The following DLG2 variants were observed in gnomAD, a reference collection of about 807,000 sequenced individuals.
DLG2 encodes disks large homolog 2.
Under a neutral mutation model 132.5 loss-of-function variants are expected in DLG2, and 45 were observed. The observed-to-expected ratio is 0.34, with a 90% CI of 0.27 to 0.44. The LOEUF is 0.44. DLG2 is among the 20% of genes least tolerant of loss of function. DLG2 has a pLI of 1.00. For missense variants in DLG2, 1,045 were observed against 1,196.9 expected (o/e 0.87, Z 1.87); for synonymous variants, 424 against 419.6 (o/e 1.01, Z -0.13).
intron 11 of DLG2, among the ~76,000 whole-genome samples, chr11:83,989,932 G>A (rs574437854): frequency 2.6e-5 from 4 of 152,098 alleles, no homozygotes; most frequent in African/African-American, 9.7e-5. Flanking sequence ...TTGAAAAGAA[G>A]TGTCCATGAA....
In DLG2 at chr11:83,891,784, G is replaced by T. The variant is rs567916434; in HGVS notation, c.1497-17296C>A. 2.6e-5 allele frequency among the ~76,000 whole-genome samples: 4 copies of T among 152,258 alleles called. No homozygotes were observed. The East Asian group carries it at 7.7e-4, about 29-fold the overall frequency. ...AGAACACCTCCTATTATTTTGCTGG[G>T]TTCTAATTCTACAATCTACTTTCCT... On this transcript the variant is annotated intron_variant, in intron 15 of 27. Transcript: ENST00000376104.
At chr11:84,787,177 G>T (rs779659994) in intron 6 of DLG2, among the ~76,000 whole-genome samples, 1 of 152,130 alleles carries the variant, frequency 6.6e-6, no homozygotes, top group South Asian at 2.1e-4. Context: ...CCTTTTTCTA[G>T]ATTGACTCTT....
chr11:83,734,666 A>G (rs1040520332), intron 18 of DLG2, among the ~76,000 whole-genome samples: 6 of 152,002 alleles, frequency 3.9e-5, no homozygotes, highest in Non-Finnish European at 8.8e-5. Context: ...GGCTAGGCTC[A>G]TCTTGAACTC....
intron 4 of DLG2, among the ~76,000 whole-genome samples, chr11:85,165,867 C>T (rs916503970): frequency 1.3e-5 from 2 of 152,118 alleles, no homozygotes; most frequent in African/African-American, 4.8e-5. Flanking sequence ...TCCCTGAATA[C>T]TGAACTCTTA....
chr11:85,544,775 A>G (rs1224255179), intron 3 of DLG2, among the ~76,000 whole-genome samples: 1 of 152,166 alleles, frequency 6.6e-6, no homozygotes, highest in Admixed American at 6.5e-5. Context: ...GAGTTCACTC[A>G]TGATTTGGCT....
intron 6 of DLG2, among the ~76,000 whole-genome samples, chr11:85,016,825 C>G (rs2059614511): frequency 6.6e-6 from 1 of 152,100 alleles, no homozygotes; most frequent in Non-Finnish European, 1.5e-5. Context: ...GGTGTGTTCT[C>G]CCTGCACAGG....
chr11:84,507,400 G>T (rs1280931675), intron 7 of DLG2, among the ~76,000 whole-genome samples: 1 of 152,160 alleles, frequency 6.6e-6, no homozygotes, highest in African/African-American at 2.4e-5. Flanking sequence ...GAGATTTACT[G>T]AGATTTAAAA....
chr11:83,769,006 C>A (rs1203554229), intron 18 of DLG2, among the ~76,000 whole-genome samples: 1 of 152,216 alleles, frequency 6.6e-6, no homozygotes, highest in Non-Finnish European at 1.5e-5. Flanking sequence ...GTTTACAGTG[C>A]TTTGTGAGAA....
intron 21 of DLG2, among the ~76,000 whole-genome samples, chr11:83,516,609 C>T (rs989987086): frequency 1.3e-5 from 2 of 152,212 alleles, no homozygotes; most frequent in African/African-American, 2.4e-5. Flanking sequence ...GATGCAGTTT[C>T]CTCTTAGCCT....
At chr11:83,898,165 T>C (rs11233794) in intron 15 of DLG2, among the ~76,000 whole-genome samples, 10,770 of 152,186 alleles carry the variant, frequency 0.071, 514 homozygotes, top group African/African-American at 0.13. Flanking sequence ...TATGTGTAAA[T>C]GTGAGAATTT....
At chr11:85,455,131 A>G (rs1162718220) in intron 3 of DLG2, among the ~76,000 whole-genome samples, 1 of 152,130 alleles carries the variant, frequency 6.6e-6, no homozygotes, top group African/African-American at 2.4e-5. Context: ...TCATTTTTAT[A>G]ATATTGATTC....
In DLG2 at chr11:84,383,583, T is replaced by G. The variant is rs1389936745; in HGVS notation, c.520-132292A>C. Among the ~76,000 whole-genome samples the G allele has an allele frequency of 3.9e-5, 6 of 152,090 alleles. 1 individual carries two copies. Among genetic ancestry groups the G allele is most frequent in the Non-Finnish European group, 8.8e-5 (6 of 68,004 alleles). On this transcript the variant is annotated intron_variant, in intron 7 of 27. Coordinates refer to ENST00000376104, the MANE Select transcript of DLG2 (RefSeq NM_001142699.3). Reference sequence around the variant, plus strand: ...CCTTAAAGAAGCAACAGCCATGTTGTGAACTGCCTATGGAGAGGGCTGCAT... The same window carrying G: ...CCTTAAAGAAGCAACAGCCATGTTGGGAACTGCCTATGGAGAGGGCTGCAT...
intron 16 of DLG2, among the ~76,000 whole-genome samples, chr11:83,845,090 C>G (rs1361671840): frequency 1.3e-5 from 2 of 151,714 alleles, no homozygotes; most frequent in African/African-American, 4.8e-5. Flanking sequence ...ATGGAAGGCC[C>G]AGATCTAGTA....
intron 3 of DLG2, among the ~76,000 whole-genome samples, chr11:85,411,781 T>C (rs1169721058): frequency 2.0e-5 from 3 of 151,818 alleles, no homozygotes; most frequent in African/African-American, 7.2e-5. Context: ...AGTAGAAATA[T>C]GAGAATTCCA....
intron 17 of DLG2, among the ~76,000 whole-genome samples, chr11:83,832,513 C>G (rs1302265817): frequency 6.6e-6 from 1 of 152,106 alleles, no homozygotes; most frequent in Non-Finnish European, 1.5e-5. Context: ...AACAGAAAGC[C>G]AAATACCACA....
intron 6 of DLG2, among the ~76,000 whole-genome samples, chr11:84,848,426 G>A (rs1035696530): frequency 8.6e-5 from 13 of 152,028 alleles, no homozygotes; most frequent in Admixed American, 1.3e-4. Context: ...CCCAAGAGGC[G>A]GAGGTTGCAG....
In DLG2 at chr11:84,457,105, T is replaced by C. The variant is rs2099067440; in HGVS notation, c.519+77465A>G. 2.0e-5 allele frequency among the ~76,000 whole-genome samples: 3 copies of C among 151,234 alleles called. No individual in the cohort carries two copies. In the Admixed American group the frequency reaches 2.0e-4, roughly 10 times the overall value. On this transcript the variant is annotated intron_variant, in intron 7 of 27. Coordinates refer to ENST00000376104, the MANE Select transcript of DLG2 (RefSeq NM_001142699.3). ...TAATTCTGAGTTTATTAACAGGTAT[T>C]AGGTACAAAAACCATATGTGACCTC...
chr11:85,105,493 A>G (rs1440548281), intron 6 of DLG2, among the ~76,000 whole-genome samples: 1 of 151,920 alleles, frequency 6.6e-6, no homozygotes, highest in Non-Finnish European at 1.5e-5. Flanking sequence ...GAGGCACTCT[A>G]CAGAACTCAC....
chr11:84,036,415 GT>G (rs10707520), intron 11 of DLG2, among the ~76,000 whole-genome samples: 132,720 of 151,744 alleles, frequency 0.87, 58,279 homozygotes, highest in Middle Eastern at 0.93. Context: ...GCTCCAAAAT[GT>G]TTTTTTTTAT....
Sources: gnomAD v4.1 joint callset for allele counts (sites outside exome capture counted in the v4.1 genomes callset) on GRCh38, gnomAD v4.1.1 for gene constraint, MANE v1.5 for transcripts, NCBI Gene and HGNC (gene_info 2026-07-23, HGNC 2026-07-21) for gene names.